The following GRIK2 variants were observed in gnomAD, a reference collection of about 807,000 sequenced individuals.
GRIK2 encodes the protein glutamate ionotropic receptor kainate type subunit 2.
In GRIK2, 32 loss-of-function variants were observed where a neutral mutation model predicts 100.3. The ratio of observed to expected loss-of-function variants is 0.32; its 90% CI spans 0.24 to 0.43. The LOEUF (loss-of-function observed/expected upper bound fraction) is 0.43. Ranked by LOEUF, GRIK2 falls within the 20% of genes least tolerant of loss-of-function variation. GRIK2 has a pLI of 1.00. For missense variants in GRIK2, 843 were observed against 1,114.9 expected (o/e 0.76, Z 3.47); for synonymous variants, 417 against 389.4 (o/e 1.07, Z -0.83).
intron 2 of GRIK2, among the ~76,000 whole-genome samples, chr6:101,428,249 G>C (rs1352032726): frequency 2.0e-5 from 3 of 152,164 alleles, no homozygotes; most frequent in Non-Finnish European, 4.4e-5. Context: ...TACTCTGTTT[G>C]CTAGTTAGGC....
At chr6:101,845,974 A>G (rs2128437403) in intron 10 of GRIK2, among the ~76,000 whole-genome samples, 1 of 151,472 alleles carries the variant, frequency 6.6e-6, no homozygotes, top group South Asian at 2.1e-4. Flanking sequence ...AGAAATATCT[A>G]TTCAAGCTCT....
intron 4 of GRIK2, among the ~76,000 whole-genome samples, chr6:101,661,885 G>A (rs940720153): frequency 6.6e-6 from 1 of 152,166 alleles, no homozygotes; most frequent in African/African-American, 2.4e-5. Flanking sequence ...CTCTCTGGGA[G>A]CTGCAGACCG....
chr6:101,543,336 T>C (rs570154650), intron 2 of GRIK2, among the ~76,000 whole-genome samples: 2 of 152,320 alleles, frequency 1.3e-5, no homozygotes, highest in African/African-American at 4.8e-5. Flanking sequence ...TCTTTTATTC[T>C]AAACCATATC....
chr6:101,886,966 C>T (rs1397450054), intron 11 of GRIK2, among the ~76,000 whole-genome samples: 2 of 150,908 alleles, frequency 1.3e-5, no homozygotes, highest in East Asian at 3.9e-4. Flanking sequence ...GCTGGGACTA[C>T]AGGCGTGTGC....
chr6:101,895,164 T>C (rs1043621571), intron 12 of GRIK2, among the ~76,000 whole-genome samples: 1 of 151,798 alleles, frequency 6.6e-6, no homozygotes, highest in Admixed American at 6.6e-5. Flanking sequence ...TTAAGTAACC[T>C]GGACTTCTTA....
chr6:101,944,942 T>C (rs11969195), intron 14 of GRIK2, among the ~76,000 whole-genome samples: 10,882 of 152,004 alleles, frequency 0.072, 958 homozygotes, highest in African/African-American at 0.21. Context: ...TAATAATTCT[T>C]AGTTGATGTA....
chr6:101,565,935 G>GTGTATATA (rs869172326), intron 2 of GRIK2, among the ~76,000 whole-genome samples: 7 of 109,508 alleles, frequency 6.4e-5, no homozygotes, highest in Non-Finnish European at 1.3e-4. Context: ...ATATATATGT[G>GTGTATATA]TATATATATA....
At chr6:101,423,430 C>T (rs10214828) in intron 2 of GRIK2, among the ~76,000 whole-genome samples, 4,010 of 152,192 alleles carry the variant, frequency 0.026, 196 homozygotes, top group African/African-American at 0.092. Flanking sequence ...TACGAGTGTT[C>T]CAATTTTCCA....
chr6:101,994,383 TTCATG>T (rs1189818357), intron 14 of GRIK2, among the ~76,000 whole-genome samples: 1 of 151,816 alleles, frequency 6.6e-6, no homozygotes. Context: ...ATAAATCTTT[TTCATG>T]CATATGTATG....
intron 2 of GRIK2, among the ~76,000 whole-genome samples, chr6:101,538,485 T>A (rs1485556294): frequency 1.3e-5 from 2 of 151,752 alleles, no homozygotes; most frequent in African/African-American, 2.4e-5. Flanking sequence ...ATTATATTCT[T>A]GACTTTCTTA....
intron 2 of GRIK2, among the ~76,000 whole-genome samples, chr6:101,570,191 G>T (rs1194471682): frequency 6.6e-6 from 1 of 151,956 alleles, no homozygotes; most frequent in Admixed American, 6.6e-5. Context: ...ATACAGTTTG[G>T]GAAAGATCAT....
At chr6:101,947,922 A>C (rs1791376528) in intron 14 of GRIK2, among the ~76,000 whole-genome samples, 1 of 152,140 alleles carries the variant, frequency 6.6e-6, no homozygotes, top group Admixed American at 6.6e-5. Flanking sequence ...TATTTCAGGT[A>C]ATACCTGATT....
chr6:101,805,533 A>G (rs542748121), intron 9 of GRIK2, among the ~76,000 whole-genome samples: 1 of 152,052 alleles, frequency 6.6e-6, no homozygotes, highest in Non-Finnish European at 1.5e-5. Flanking sequence ...TCTCATGCCT[A>G]TTGCCTTTTC....
intron 7 of GRIK2, among the ~76,000 whole-genome samples, chr6:101,795,130 G>T (rs1005656200): frequency 4.6e-5 from 7 of 152,060 alleles, no homozygotes; most frequent in Admixed American, 1.3e-4. Context: ...GCCTCCCAAA[G>T]TGTTGGAATT....
intron 10 of GRIK2, among the ~76,000 whole-genome samples, chr6:101,841,763 A>G (rs1353583530): frequency 6.6e-6 from 1 of 152,214 alleles, no homozygotes; most frequent in Non-Finnish European, 1.5e-5. Flanking sequence ...TGAAGCCCTT[A>G]CAAATATTTA....
intron 2 of GRIK2, among the ~76,000 whole-genome samples, chr6:101,428,109 A>G (rs2246551): frequency 0.057 from 8,628 of 152,226 alleles, 397 homozygotes; most frequent in South Asian, 0.14. Context: ...ATCACCTATG[A>G]ACAAAAATGT....
At chr6:102,061,380 T>C (rs900884944) in intron 16 of GRIK2, among the ~76,000 whole-genome samples, 2 of 150,440 alleles carry the variant, frequency 1.3e-5, no homozygotes, top group African/African-American at 2.4e-5. Flanking sequence ...ATCTCAAGGG[T>C]GAAGTTGTTT....
At chr6:101,782,336 TCTC>T (rs1779147948) in intron 7 of GRIK2, among the ~76,000 whole-genome samples, 1 of 152,184 alleles carries the variant, frequency 6.6e-6, no homozygotes, top group South Asian at 2.1e-4. Context: ...TTAACCAACT[TCTC>T]CTCGTCTGTC....
chr6:101,864,721 G>A (rs928828681), intron 11 of GRIK2, among the ~76,000 whole-genome samples: 3 of 152,036 alleles, frequency 2.0e-5, no homozygotes, highest in African/African-American at 7.2e-5. Flanking sequence ...GCTATATTTT[G>A]TCTATTCAAC....
Sources: allele counts gnomAD v4.1 joint callset (sites outside exome capture counted in the v4.1 genomes callset), GRCh38; gene constraint gnomAD v4.1.1; transcripts MANE v1.5; gene names NCBI Gene and HGNC (gene_info 2026-07-23, HGNC 2026-07-21).